WWOX: variants seen among roughly 807,000 people sequenced by gnomAD.
WWOX encodes WW domain containing oxidoreductase, also known as WW domain-containing oxidoreductase.
WWOX carries 69 observed loss-of-function variants against 46.2 expected under a neutral mutation model. The ratio of observed to expected loss-of-function variants is 1.49; its 90% CI spans 1.23 to 1.82. The LOEUF (loss-of-function observed/expected upper bound fraction) is 1.82. Among genes scored for constraint, WWOX ranks in the 40% most tolerant of loss-of-function variants. The probability of loss-of-function intolerance (pLI) is 0.00; values close to 1 mark genes in which losing one functional copy is unlikely to be tolerated. For synonymous variants in WWOX, 359 were observed against 202.6 expected (o/e 1.77, Z -6.56); for missense variants, 919 against 542.6 (o/e 1.69, Z -6.89).
At chr16:78,442,760 A>G (rs553730512) in intron 8 of WWOX, among the ~76,000 whole-genome samples, 1 of 152,092 alleles carries the variant, frequency 6.6e-6, no homozygotes, top group East Asian at 1.9e-4. Context: ...CGGATGAATC[A>G]CCTGAGGTTG....
rs920220818 is a variant in WWOX, at chr16:78,484,837, G to C, written c.1056+52085G>C. On this transcript the variant is annotated intron_variant, in intron 8 of 8. Transcript: ENST00000566780. Reference sequence around the variant, plus strand: ...TGGAAGATGGGTGGGGTGGGGGGAAGCGAATGTGAAGTGCCATTGCATTTG... The same window carrying C: ...TGGAAGATGGGTGGGGTGGGGGGAACCGAATGTGAAGTGCCATTGCATTTG... Among the ~76,000 whole-genome samples the C allele has an allele frequency of 2.6e-5, 4 of 152,310 alleles. No homozygotes were observed. The East Asian group carries it at 7.7e-4, about 29-fold the overall frequency.
chr16:79,037,125 C>T (rs79885988), intron 8 of WWOX, among the ~76,000 whole-genome samples: 51 of 152,314 alleles, frequency 3.3e-4, no homozygotes, highest in African/African-American at 1.2e-3. Context: ...TTTGTAATCT[C>T]TCTCAAGGAA....
chr16:78,686,757 CA>C (rs1230088744), intron 8 of WWOX, among the ~76,000 whole-genome samples: 29 of 152,324 alleles, frequency 1.9e-4, no homozygotes, highest in African/African-American at 6.7e-4. Flanking sequence ...CCCTGCACTC[CA>C]TATGCCTTCT....
intron 8 of WWOX, among the ~76,000 whole-genome samples, chr16:79,175,426 G>T (rs1264707649): frequency 6.6e-6 from 1 of 152,158 alleles, no homozygotes; most frequent in Non-Finnish European, 1.5e-5. Context: ...CACCAGGTCG[G>T]CCACAAAGCT....
At chr16:78,555,862 T>C (rs1567641539) in intron 8 of WWOX, among the ~76,000 whole-genome samples, 2 of 152,152 alleles carry the variant, frequency 1.3e-5, no homozygotes, top group South Asian at 2.1e-4. Flanking sequence ...ATAAATGTTA[T>C]CACAATCTCT....
chr16:78,650,903 G>A (rs1413019191), intron 8 of WWOX, among the ~76,000 whole-genome samples: 1 of 152,192 alleles, frequency 6.6e-6, no homozygotes, highest in Non-Finnish European at 1.5e-5. Flanking sequence ...CATTGGAAAT[G>A]GAATAGAGAA....
intron 8 of WWOX, among the ~76,000 whole-genome samples, chr16:78,644,366 A>T (rs1444331695): frequency 6.6e-6 from 1 of 152,176 alleles, no homozygotes; most frequent in Non-Finnish European, 1.5e-5. Context: ...TATGCAAACA[A>T]AAATTTTAAT....
chr16:78,698,324 G>GAT (rs1483001764), intron 8 of WWOX, among the ~76,000 whole-genome samples: 1 of 152,208 alleles, frequency 6.6e-6, no homozygotes, highest in Admixed American at 6.5e-5. Flanking sequence ...GGAGATGAGA[G>GAT]ATACAGATGG....
intron 8 of WWOX, among the ~76,000 whole-genome samples, chr16:78,475,995 C>T (rs891618150): frequency 3.2e-4 from 49 of 152,182 alleles, no homozygotes; most frequent in Middle Eastern, 3.4e-3. Flanking sequence ...TTTTTCTTTC[C>T]TCCAGCTCCG....
chr16:78,466,575 A>G (rs1207342883), intron 8 of WWOX, among the ~76,000 whole-genome samples: 1 of 151,786 alleles, frequency 6.6e-6, no homozygotes, highest in East Asian at 2.0e-4. Context: ...CACACCTGTA[A>G]TCCCAGCACT....
rs139376654 is a variant in WWOX at position 78,819,135 on chromosome 16, A to G, written c.1056+386383A>G. Among the ~76,000 whole-genome samples the G allele has an allele frequency of 9.5e-3, 1,441 of 152,326 alleles. 16 individuals carry two copies. The highest frequency in any genetic ancestry group is 0.017 in the Middle Eastern group (5 of 294). ...CACTCTTCTGCACTCTTTCTCAGTC[A>G]GTTGGCCACTGCTGTTCAGTTCACT... is the stretch of plus-strand genomic sequence containing the variant. On this transcript the variant is annotated intron_variant, in intron 8 of 8. Coordinates refer to ENST00000566780, the MANE Select transcript of WWOX (RefSeq NM_016373.4).
intron 8 of WWOX, chr16:79,101,460 T>C (rs2049191278): frequency 6.6e-6 from 1 of 152,104 alleles, no homozygotes; most frequent in South Asian, 2.1e-4. Flanking sequence ...ATGACAAAGA[T>C]CATTTGGGAG....
At chr16:78,273,338 T>C (rs1364644028) in intron 5 of WWOX, among the ~76,000 whole-genome samples, 1 of 152,042 alleles carries the variant, frequency 6.6e-6, no homozygotes, top group Non-Finnish European at 1.5e-5. Flanking sequence ...GATCAGTGTT[T>C]TGGGGTGGTA....
chr16:78,425,863 G>C (rs1411247405), intron 7 of WWOX, among the ~76,000 whole-genome samples: 1 of 152,058 alleles, frequency 6.6e-6, no homozygotes, highest in East Asian at 1.9e-4. Flanking sequence ...CGTGCAAGGG[G>C]CCTATTTTTT....
intron 8 of WWOX, among the ~76,000 whole-genome samples, chr16:78,866,380 T>G (rs2044004075): frequency 6.6e-6 from 1 of 152,016 alleles, no homozygotes; most frequent in Non-Finnish European, 1.5e-5. Context: ...ACTCCCTCAT[T>G]AAAGGAGAGC....
intron 8 of WWOX, among the ~76,000 whole-genome samples, chr16:79,137,771 T>A (rs1005355420): frequency 4.6e-5 from 7 of 152,066 alleles, no homozygotes; most frequent in African/African-American, 1.7e-4. Flanking sequence ...CCCTCTGTGT[T>A]CCTCCCCTTC....
At chr16:78,863,602 C>T (rs1198261081) in intron 8 of WWOX, among the ~76,000 whole-genome samples, 2 of 152,178 alleles carry the variant, frequency 1.3e-5, no homozygotes, top group Admixed American at 6.6e-5. Flanking sequence ...AATCTCCCAA[C>T]CATAAGCTGT....
intron 6 of WWOX, among the ~76,000 whole-genome samples, chr16:78,396,246 C>G (rs2082283855): frequency 6.6e-6 from 1 of 151,972 alleles, no homozygotes; most frequent in Non-Finnish European, 1.5e-5. Context: ...AAAACCTGCC[C>G]CTGGTGGAGA....
intron 8 of WWOX, among the ~76,000 whole-genome samples, chr16:78,830,406 G>C (rs1444535968): frequency 1.3e-5 from 2 of 151,946 alleles, no homozygotes; most frequent in Admixed American, 6.6e-5. Context: ...TTTTCTCACT[G>C]GTTTCTATGG....
Sources: gnomAD v4.1 joint callset for allele counts (sites outside exome capture counted in the v4.1 genomes callset) on GRCh38, gnomAD v4.1.1 for gene constraint, MANE v1.5 for transcripts, NCBI Gene and HGNC (gene_info 2026-07-23, HGNC 2026-07-21) for gene names.